Variants in DLC1 observed in about 807,000 individuals in gnomAD.
DLC1 encodes DLC1 Rho GTPase activating protein.
DLC1 carries 54 observed loss-of-function variants against 140.3 expected under a neutral mutation model. The observed-to-expected ratio is 0.38, with a 90% confidence interval of 0.31 to 0.48. The LOEUF is 0.48. Ranked by LOEUF, DLC1 falls within the 20% of genes least tolerant of loss-of-function variation. The pLI, the probability that DLC1 is intolerant of heterozygous loss-of-function variation, is 0.96. For missense variants in DLC1, 2,536 were observed against 1,907.0 expected (o/e 1.33, Z -6.14); for synonymous variants, 986 against 728.1 (o/e 1.35, Z -5.70).
At chr8:13,291,886 C>G (rs928753833) in intron 5 of DLC1, among the ~76,000 whole-genome samples, 5 of 151,946 alleles carry the variant, frequency 3.3e-5, no homozygotes, top group African/African-American at 9.7e-5. Context: ...ATAGACGAAG[C>G]AAAGGTTTTC....
rs56256410 is a variant in DLC1 at position 13,395,323 on chromosome 8, A to G, written c.1174-1630T>C. 9.3e-3 allele frequency among the ~76,000 whole-genome samples: 1,419 copies of G among 152,050 alleles called. 22 individuals carry two copies. The highest frequency in any genetic ancestry group is 0.032 in the African/African-American group (1,346 of 41,496). ...TTTTTAGTAGAGACGGGGTTTCACT[A>G]TGTTGGCCAGACTGGTCTCGAACTC... is the stretch of plus-strand genomic sequence containing the variant. On this transcript the variant is annotated intron_variant, in intron 3 of 17. Transcript: ENST00000276297.
At chr8:13,333,787 G>C (rs963436700) in intron 4 of DLC1, among the ~76,000 whole-genome samples, 5 of 152,132 alleles carry the variant, frequency 3.3e-5, no homozygotes, top group African/African-American at 9.7e-5. Flanking sequence ...CACTTTGTTA[G>C]ATATCTACAA....
At chr8:13,510,760 A>G (rs1054334028) in intron 1 of DLC1, among the ~76,000 whole-genome samples, 1 of 152,096 alleles carries the variant, frequency 6.6e-6, no homozygotes, top group African/African-American at 2.4e-5. Context: ...ATTTCAAACC[A>G]TTTCTGGATG....
chr8:13,341,805 C>A (rs1290335991), intron 4 of DLC1: 1 of 152,086 alleles, frequency 6.6e-6, no homozygotes, highest in Non-Finnish European at 1.5e-5. Flanking sequence ...TCAAGGCTAG[C>A]CAAGAGCAGA....
intron 2 of DLC1, among the ~76,000 whole-genome samples, chr8:13,407,466 G>A (rs141918327): frequency 0.011 from 1,705 of 152,250 alleles, 40 homozygotes; most frequent in African/African-American, 0.037. Context: ...TGGATATTTT[G>A]CAGACTGGAG....
intron 5 of DLC1, among the ~76,000 whole-genome samples, chr8:13,190,000 T>G (rs1826653877): frequency 6.6e-6 from 1 of 152,064 alleles, no homozygotes; most frequent in East Asian, 1.9e-4. Context: ...AAAAGACATA[T>G]GATGAAGCCA....
intron 4 of DLC1, chr8:13,340,422 A>C (rs1833989818): frequency 6.6e-6 from 1 of 152,076 alleles, no homozygotes; most frequent in South Asian, 2.1e-4. Context: ...GCTGGTCTTG[A>C]ACTCCTGACC....
At chr8:13,176,966 G>A (rs755462231) in intron 5 of DLC1, among the ~76,000 whole-genome samples, 4 of 152,180 alleles carry the variant, frequency 2.6e-5, no homozygotes, top group Non-Finnish European at 4.4e-5. Context: ...GGAACAGCAA[G>A]GAGACAGTTC....
At chr8:13,304,594 C>A (rs1001412497) in intron 5 of DLC1, 28 of 773,130 alleles carry the variant, frequency 3.6e-5, no homozygotes, top group African/African-American at 3.8e-5. Context: ...TGTCTACAAA[C>A]TAAGTGATGT....
chr8:13,203,184 T>G (rs1468522712), intron 5 of DLC1, among the ~76,000 whole-genome samples: 2 of 152,228 alleles, frequency 1.3e-5, no homozygotes, highest in Non-Finnish European at 2.9e-5. Flanking sequence ...TTCACTTACG[T>G]GCTGTTCAAT....
At chr8:13,120,543 G>A (rs1006186159) in intron 5 of DLC1, among the ~76,000 whole-genome samples, 2 of 151,538 alleles carry the variant, frequency 1.3e-5, no homozygotes, top group African/African-American at 2.4e-5. Flanking sequence ...TCCCTTCAAT[G>A]TATGTGGGTG....
chr8:13,567,187 C>G (rs1804469992), intron 1 of DLC1: 2 of 1,551,634 alleles, frequency 1.3e-6, no homozygotes, highest in Non-Finnish European at 1.7e-6. Context: ...AAGCTTGGAA[C>G]AAGGAGACAC....
intron 5 of DLC1, among the ~76,000 whole-genome samples, chr8:13,284,214 G>C (rs976804753): frequency 1.3e-5 from 2 of 152,146 alleles, no homozygotes; most frequent in African/African-American, 4.8e-5. Context: ...GGACCTATTA[G>C]CAGAAGAAAG....
At position 13,475,616 on chromosome 8, in the gene DLC1, T is replaced by C. The variant is rs958267847; in HGVS notation, c.1023+23433A>G. On this transcript the variant is annotated intron_variant, in intron 2 of 17. Coordinates refer to ENST00000276297, the MANE Select transcript of DLC1 (RefSeq NM_182643.3). ...TTCACAACGAAAAGAAAGACATAAC[T>C]GTCACCACAAACTCTCTTCCAGAGG... Among the ~76,000 whole-genome samples, 3 of 152,200 alleles carry C rather than the reference T, an allele frequency of 2.0e-5. No individual in the cohort carries two copies. In the East Asian group the frequency reaches 5.8e-4, roughly 29 times the overall value.
At chr8:13,219,428 A>G (rs1371878346) in intron 5 of DLC1, among the ~76,000 whole-genome samples, 1 of 143,900 alleles carries the variant, frequency 6.9e-6, no homozygotes, top group African/African-American at 2.6e-5. Flanking sequence ...TTATACTTAT[A>G]TAATTATAAT....
chr8:13,162,259 T>C (rs1394665813), intron 5 of DLC1, among the ~76,000 whole-genome samples: 1 of 152,156 alleles, frequency 6.6e-6, no homozygotes, highest in Non-Finnish European at 1.5e-5. Flanking sequence ...TTGAAGAATA[T>C]CGAAATGAAA....
At chr8:13,242,971 G>A (rs1428004163) in intron 5 of DLC1, among the ~76,000 whole-genome samples, 2 of 151,902 alleles carry the variant, frequency 1.3e-5, no homozygotes, top group Non-Finnish European at 1.5e-5. Context: ...ATCATGGGGT[G>A]GATTTCCCCC....
rs541726570 is a variant in DLC1 at position 13,465,895 on chromosome 8, A to G, written c.1023+33154T>C. 5.3e-5 allele frequency among the ~76,000 whole-genome samples: 8 copies of G among 152,214 alleles called. No homozygotes were observed. In the East Asian group the frequency reaches 1.5e-3, roughly 29 times the overall value. Reference sequence around the variant, plus strand: ...AGAACCAGGGTTAGTTAGAATCAGGACTTTGTCACCCTTGACACAGTTTCC... The same window carrying G: ...AGAACCAGGGTTAGTTAGAATCAGGGCTTTGTCACCCTTGACACAGTTTCC... On this transcript the variant is annotated intron_variant, in intron 2 of 17. Coordinates refer to ENST00000276297, the MANE Select transcript of DLC1 (RefSeq NM_182643.3).
chr8:13,445,862 A>T (rs1451289895), intron 2 of DLC1, among the ~76,000 whole-genome samples: 1 of 152,202 alleles, frequency 6.6e-6, no homozygotes, highest in African/African-American at 2.4e-5. Flanking sequence ...TCTATGTGCT[A>T]TTGAGAGATA....
Sources: allele counts gnomAD v4.1 joint callset (sites outside exome capture counted in the v4.1 genomes callset), GRCh38; gene constraint gnomAD v4.1.1; transcripts MANE v1.5; gene names NCBI Gene and HGNC (gene_info 2026-07-23, HGNC 2026-07-21).